ZSCAN2: variants seen among roughly 807,000 people sequenced by gnomAD.
ZSCAN2 encodes the protein zinc finger and SCAN domain-containing protein 2.
In ZSCAN2, 26 loss-of-function variants were observed where a neutral mutation model predicts 47.8. The observed-to-expected ratio is 0.54, with a 90% CI of 0.40 to 0.75. The LOEUF is 0.75. Ranked by LOEUF, ZSCAN2 falls within the 30% of genes least tolerant of loss-of-function variation. ZSCAN2 has a pLI of 0.00. For synonymous variants in ZSCAN2, 305 were observed against 288.7 expected (o/e 1.06, Z -0.57); for missense variants, 732 against 785.4 (o/e 0.93, Z 0.81).
rs1158420847 is a variant in ZSCAN2, at chr15:84,606,772, G to A, written c.406+2439G>A. ...CTTTCATCTTTAACTGGGCACCTGAGATGGGAACCAATGGGGACCATCCCA... is the reference window on the plus strand; with the variant it reads ...CTTTCATCTTTAACTGGGCACCTGAAATGGGAACCAATGGGGACCATCCCA... On this transcript the variant is annotated intron_variant, in intron 2 of 2. Transcript: ENST00000546148. 4 of 1,362,118 alleles carry A rather than the reference G, an allele frequency of 2.9e-6. No homozygotes were observed. In the Admixed American group the frequency reaches 1.4e-4, roughly 48 times the overall value. The allele number at this position is 1,362,118 out of a possible 1,614,324, so 84.4% of individuals were successfully genotyped here.
At chr15:84,605,000 T>G (rs11638554) in intron 2 of ZSCAN2, among the ~76,000 whole-genome samples, 32,892 of 152,084 alleles carry the variant, frequency 0.22, 4,513 homozygotes, top group Middle Eastern at 0.38. Flanking sequence ...CCCCCGAAAG[T>G]GCTGGGATTA....
At chr15:84,608,578 A>G (rs1895452840) in intron 2 of ZSCAN2, among the ~76,000 whole-genome samples, 1 of 151,530 alleles carries the variant, frequency 6.6e-6, no homozygotes, top group Admixed American at 6.6e-5. Flanking sequence ...CCAGCATTCT[A>G]AGTGATCCTG....
At position 84,620,588 on chromosome 15, in the gene ZSCAN2, C is replaced by T. The variant is rs759832833; in HGVS notation, c.407-14C>T. 1 of 1,580,308 alleles carries T rather than the reference C, an allele frequency of 6.3e-7. No individual in the cohort carries two copies. The highest frequency in any genetic ancestry group is 8.6e-7 in the Non-Finnish European group (1 of 1,156,370). ...AGTTGAGTAGACATTGTATGTTTTT[C>T]TTCATTGTTTCAGATTTTGAGATAC... On this transcript the variant is annotated splice_polypyrimidine_tract_variant and intron_variant, in intron 2 of 2. Coordinates refer to ENST00000546148, the MANE Select transcript of ZSCAN2 (RefSeq NM_181877.4).
intron 1 of ZSCAN2, among the ~76,000 whole-genome samples, chr15:84,603,455 G>A (rs751609721): frequency 6.7e-6 from 1 of 149,212 alleles, no homozygotes; most frequent in Non-Finnish European, 1.5e-5. Context: ...TGCAACCTCC[G>A]CCTCCTGGGT....
chr15:84,618,978 G>A (rs545054658), intron 2 of ZSCAN2, among the ~76,000 whole-genome samples: 16 of 152,270 alleles, frequency 1.1e-4, no homozygotes, highest in African/African-American at 3.8e-4. Context: ...TCCAGGCTCA[G>A]CTCTCTGCTG....
Position 84,621,818 on chromosome 15 carries a change from G to C in ZSCAN2, c.1623G>C (p.Arg541=), listed in dbSNP as rs145344358. ...KCLMCGKSFS[R]GSILVMHQRA... is the part of the protein sequence containing the mutation. ...TCATGTGCGGCAAGAGCTTCAGCCGGGGCTCCATTCTGGTCATGCACCAGA... is the reference window on the plus strand; with the variant it reads ...TCATGTGCGGCAAGAGCTTCAGCCGCGGCTCCATTCTGGTCATGCACCAGA... The change falls in exon 3 of 3, where the codon CGG becomes CGC. Residue 541 remains arginine, a synonymous_variant. Coordinates refer to ENST00000546148, the MANE Select transcript of ZSCAN2 (RefSeq NM_181877.4). This position sits in a 1 kb window ranked among gnomAD's most constrained non-coding sequence, Gnocchi z 5.7. 1.2e-6 allele frequency: 2 copies of C among 1,614,160 alleles called. No individual in the cohort carries two copies. Among genetic ancestry groups the C allele is most frequent in the Non-Finnish European group, 1.7e-6 (2 of 1,180,024 alleles).
intron 2 of ZSCAN2, chr15:84,612,208 G>C (rs2141778641): frequency 6.6e-6 from 1 of 152,320 alleles, no homozygotes; most frequent in South Asian, 2.1e-4. Context: ...CAGATCACCT[G>C]AAGGGCCACT....
intron 2 of ZSCAN2, chr15:84,616,447 G>C: frequency 6.4e-7 from 1 of 1,562,552 alleles, no homozygotes; most frequent in Non-Finnish European, 8.7e-7. Flanking sequence ...TGAGCTTTCT[G>C]AGTTCTGTTC....
chr15:84,616,455 T>G, intron 2 of ZSCAN2: 1 of 1,546,234 alleles, frequency 6.5e-7, no homozygotes, highest in Non-Finnish European at 8.7e-7. Context: ...CTGAGTTCTG[T>G]TCCCTCCCAC....
At chr15:84,620,034 G>A (rs1895780959) in intron 2 of ZSCAN2, among the ~76,000 whole-genome samples, 1 of 151,512 alleles carries the variant, frequency 6.6e-6, no homozygotes, top group Non-Finnish European at 1.5e-5. Context: ...TTACTGCACA[G>A]GTCATCCCAC....
intron 2 of ZSCAN2, among the ~76,000 whole-genome samples, chr15:84,608,595 A>T (rs1451068127): frequency 6.6e-6 from 1 of 151,742 alleles, no homozygotes; most frequent in Non-Finnish European, 1.5e-5. Flanking sequence ...CCTGATTCAA[A>T]CTCCAATTTG....
chr15:84,602,687 C>T (rs1050827517), intron 1 of ZSCAN2, among the ~76,000 whole-genome samples: 2 of 148,250 alleles, frequency 1.3e-5, no homozygotes, highest in African/African-American at 2.5e-5. Flanking sequence ...CTCCCAGGTT[C>T]GGGCAATTCT....
In ZSCAN2 at chr15:84,621,852, T is replaced by C. The variant is rs1895825061; in HGVS notation, c.1657T>C (p.Leu553=). Residue 553 remains leucine (L), a synonymous_variant, in exon 3 of 3, where the codon TTG becomes CTG. Transcript: ENST00000546148. This position sits in a 1 kb window ranked among gnomAD's most constrained non-coding sequence, Gnocchi z 5.7. The part of the protein sequence containing the change: ...SILVMHQRAH[L]GDKPYRCPEC... The stretch of plus-strand genomic sequence containing the variant: ...TCTGGTCATGCACCAGAGAGCCCAT[T>C]TGGGAGACAAGCCCTACAGGTGCCC... 1.2e-6 allele frequency: 2 copies of C among 1,613,926 alleles called. No individual in the cohort carries two copies. The highest frequency in any genetic ancestry group is 1.7e-5 in the Admixed American group (1 of 59,978).
Position 84,622,853 on chromosome 15 carries a change from T to C in ZSCAN2, c.*813T>C. On this transcript the variant is annotated 3_prime_UTR_variant, in exon 3 of 3. Coordinates refer to ENST00000546148, the MANE Select transcript of ZSCAN2 (RefSeq NM_181877.4). Reference sequence around the variant, plus strand: ...TCTCGTGGGGTTTTGTCCTGGAGAGTGTAGTGAAGTCCGAGAGCCCTAGCT... The same window carrying C: ...TCTCGTGGGGTTTTGTCCTGGAGAGCGTAGTGAAGTCCGAGAGCCCTAGCT... 1 of 602,016 alleles carries C rather than the reference T, an allele frequency of 1.7e-6. No homozygotes were observed. The highest frequency in any genetic ancestry group is 3.0e-6 in the Non-Finnish European group (1 of 331,546). The allele number at this position is 602,016 out of a possible 1,614,324, so 37.3% of individuals were successfully genotyped here. A position where few individuals can be genotyped will look rare whatever the true frequency, so the allele number is the denominator to read the frequency against.
At position 84,620,675 on chromosome 15, in the gene ZSCAN2, C is replaced by A. The variant is rs139722283; in HGVS notation, c.480C>A (p.Phe160Leu). The change falls in exon 3 of 3, where the codon TTC becomes TTA. Residue 160 changes from phenylalanine to leucine, a missense_variant. Physicochemically the swap from Phe to Leu is conservative, Grantham distance 22 (BLOSUM62 0). Transcript: ENST00000546148. ...DMFENESRKI[F>L]SEMPEGESAQ... ...TTGAGAATGAATCACGTAAGATATT[C>A]TCGGAAATGCCTGAAGGTGAAAGTG... 23 of 1,614,046 alleles carry A rather than the reference C, an allele frequency of 1.4e-5. No individual in the cohort carries two copies. The highest frequency in any genetic ancestry group is 9.3e-5 in the African/African-American group (7 of 74,920).
Position 84,604,332 on chromosome 15 carries a change from T to C in ZSCAN2, c.405T>C (p.Ser135=). 6.2e-7 allele frequency: 1 copy of C among 1,604,844 alleles called. No homozygotes were observed. The highest frequency in any genetic ancestry group is 8.5e-7 in the Non-Finnish European group (1 of 1,175,030). ...VEDLTQTLQD[S]DFEIQSENGE... is the part of the protein sequence containing the mutation. ...ACTTGACCCAGACCCTTCAGGACAGTGGTGAGACGCAGAACCTCATAGGGA... is the reference window on the plus strand; with the variant it reads ...ACTTGACCCAGACCCTTCAGGACAGCGGTGAGACGCAGAACCTCATAGGGA... Residue 135 remains serine, a splice_region_variant and synonymous_variant, in exon 2 of 3, where the codon AGT becomes AGC. Transcript: ENST00000546148.
At chr15:84,620,496 T>C in intron 2 of ZSCAN2, 106 bp from the exon 3 acceptor site, 7 of 987,844 alleles carry the variant, frequency 7.1e-6, no homozygotes, top group Non-Finnish European at 1.1e-5. Context: ...TCTAGCCTCT[T>C]TGTGTTCACT....
At chr15:84,616,379 A>G in intron 2 of ZSCAN2, 1 of 1,609,774 alleles carries the variant, frequency 6.2e-7, no homozygotes, top group Non-Finnish European at 8.5e-7. Context: ...GCCTCTCTGA[A>G]CCAAAGAAGC....
At chr15:84,606,971 C>G in intron 2 of ZSCAN2, 1 of 647,900 alleles carries the variant, frequency 1.5e-6, no homozygotes. Context: ...TTCTGTTTGT[C>G]CAGCTTATGA....
Sources: gnomAD v4.1 joint callset for allele counts (sites outside exome capture counted in the v4.1 genomes callset) on GRCh38, gnomAD v4.1.1 for gene constraint, Gnocchi (gnomAD v3.1) non-coding constraint, MANE v1.5 for transcripts, NCBI Gene and HGNC (gene_info 2026-07-23, HGNC 2026-07-21) for gene names.